PSMC4: variants seen among roughly 807,000 people sequenced by gnomAD.
PSMC4 encodes the protein proteasome 26S subunit, ATPase 4, also known as 26S proteasome regulatory subunit 6B.
A neutral mutation model predicts 48.4 loss-of-function variants in PSMC4; 13 were observed. The ratio of observed to expected loss-of-function variants is 0.27; its 90% CI spans 0.18 to 0.43. The LOEUF (loss-of-function observed/expected upper bound fraction) is 0.43, where lower values mean the gene tolerates loss of function less well. PSMC4 is among the 20% of genes least tolerant of loss of function. The probability of loss-of-function intolerance (pLI) is 1.00; values close to 1 mark genes in which losing one functional copy is unlikely to be tolerated. For synonymous variants in PSMC4, 202 were observed against 212.3 expected (o/e 0.95, Z 0.42); for missense variants, 262 against 555.9 (o/e 0.47, Z 5.32).
At chr19:39,979,215 T>G (rs534911734) in intron 6 of PSMC4, among the ~76,000 whole-genome samples, 8 of 152,304 alleles carry the variant, frequency 5.3e-5, no homozygotes, top group African/African-American at 1.7e-4. Flanking sequence ...CTGGTTTTTT[T>G]CTTTCTTATT....
In PSMC4 at chr19:39,974,057, G is replaced by A. The variant is rs1219913496; in HGVS notation, c.323-237G>A. ...ACAGAAGTGTGCCTCACTAGTATGAGATGCAGGGGGAGGCCTGCTGGACAG... is the reference window on the plus strand; with the variant it reads ...ACAGAAGTGTGCCTCACTAGTATGAAATGCAGGGGGAGGCCTGCTGGACAG... On this transcript the variant is annotated intron_variant, in intron 3 of 10. Coordinates refer to ENST00000157812, the MANE Select transcript of PSMC4 (RefSeq NM_006503.4). The surrounding 1 kb of genome is among the most constrained non-coding windows in gnomAD (Gnocchi z 5.5). Among the ~76,000 whole-genome samples the A allele has an allele frequency of 2.0e-5, 3 of 152,152 alleles. No homozygotes were observed. Among genetic ancestry groups the A allele is most frequent in the Non-Finnish European group, 2.9e-5 (2 of 68,040 alleles).
At chr19:39,977,051 C>T (rs1451320678) in intron 6 of PSMC4, among the ~76,000 whole-genome samples, 1 of 151,754 alleles carries the variant, frequency 6.6e-6, no homozygotes, top group Non-Finnish European at 1.5e-5. Flanking sequence ...TGGGGTTGCA[C>T]CATGTTGGCC....
chr19:39,974,218 G>C lies in PSMC4; in HGVS notation c.323-76G>C. Reference sequence around the variant, plus strand: ...TCTGAACCAGAGATGTTGGGGTGTGGAGATTAGGAGGGAGGAAGGGGGAAG... The same window carrying C: ...TCTGAACCAGAGATGTTGGGGTGTGCAGATTAGGAGGGAGGAAGGGGGAAG... On this transcript the variant is annotated intron_variant, in intron 3 of 10. Transcript: ENST00000157812. This position sits in a 1 kb window ranked among gnomAD's most constrained non-coding sequence, Gnocchi z 5.5. 1 of 1,558,904 alleles carries C rather than the reference G, an allele frequency of 6.4e-7. No homozygotes were observed. The highest frequency in any genetic ancestry group is 8.7e-7 in the Non-Finnish European group (1 of 1,145,036).
chr19:39,972,125 G>A (rs1971109574), intron 1 of PSMC4, 21 bp from the exon 2 acceptor site: 2 of 1,600,510 alleles, frequency 1.2e-6, no homozygotes, highest in African/African-American at 2.7e-5. Flanking sequence ...CTTCCAATGT[G>A]AGTTATCCCC....
chr19:39,974,451 A>G lies in PSMC4; in HGVS notation c.469+11A>G. 1 of 1,613,548 alleles carries G rather than the reference A, an allele frequency of 6.2e-7. No individual in the cohort carries two copies. The highest frequency in any genetic ancestry group is 8.5e-7 in the Non-Finnish European group (1 of 1,179,694). On this transcript the variant is annotated intron_variant, in intron 4 of 10. Coordinates refer to ENST00000157812, the MANE Select transcript of PSMC4 (RefSeq NM_006503.4). This position sits in a 1 kb window ranked among gnomAD's most constrained non-coding sequence, Gnocchi z 5.5. The stretch of plus-strand genomic sequence containing the variant: ...TGATGCTCACCTCAGGTAAAGGGGG[A>G]GCCTGCAGCTGGGAGGGCCCCATGG...
rs1444967382 is a variant in PSMC4 at position 39,972,024 on chromosome 19, G to C, written c.37-122G>C. 7 of 875,710 alleles carry C rather than the reference G, an allele frequency of 8.0e-6. No homozygotes were observed. The East Asian group carries it at 1.5e-4, about 18-fold the overall frequency. The allele number at this position is 875,710 out of a possible 1,614,324, so 54.2% of individuals were successfully genotyped here. A position where few individuals can be genotyped will look rare whatever the true frequency, so the allele number is the denominator to read the frequency against. ...TATTTAGAGGGTCTTAAGATATCAG[G>C]GGTCTGTTAGGGGCTAAGTGACATC... On this transcript the variant is annotated intron_variant, in intron 1 of 10. Coordinates refer to ENST00000157812, the MANE Select transcript of PSMC4 (RefSeq NM_006503.4).
Position 39,980,844 on chromosome 19 carries a change from C to G in PSMC4, c.1143+127C>G. ...TCGTGGGCGCCATCTCTCTCTTCCT[C>G]TACCATCACTAGGGGTGGATAGTAC... On this transcript the variant is annotated intron_variant, in intron 10 of 10. Coordinates refer to ENST00000157812, the MANE Select transcript of PSMC4 (RefSeq NM_006503.4). This position sits in a 1 kb window ranked among gnomAD's most constrained non-coding sequence, Gnocchi z 4.8. 3.3e-6 allele frequency: 3 copies of G among 914,940 alleles called. 1 individual carries two copies. The highest frequency in any genetic ancestry group is 1.4e-5 in the South Asian group (1 of 73,188). 56.7% of individuals were successfully genotyped at this position (914,940 alleles called of 1,614,324 possible).
At chr19:39,972,935 AG>A (rs1375254512) in intron 3 of PSMC4, among the ~76,000 whole-genome samples, 1 of 151,984 alleles carries the variant, frequency 6.6e-6, no homozygotes, top group Non-Finnish European at 1.5e-5. Context: ...TAGTAGAGAC[AG>A]GGTTTCACCA....
chr19:39,978,960 TATG>T (rs1161815936), intron 6 of PSMC4, among the ~76,000 whole-genome samples: 6 of 151,964 alleles, frequency 3.9e-5, no homozygotes, highest in Non-Finnish European at 8.8e-5. Context: ...TGCAGTAAGC[TATG>T]ATGATACCAC....
intron 6 of PSMC4, 184 bp from the exon 7 acceptor site, chr19:39,979,633 A>G (rs778466047): frequency 4.0e-5 from 18 of 452,408 alleles, no homozygotes; most frequent in Non-Finnish European, 5.5e-5. Flanking sequence ...TGTGGGGTAC[A>G]AGTAGATGGC....
chr19:39,971,358 A>G, intron 1 of PSMC4, 120 bp downstream of exon 1: 1 of 1,226,140 alleles, frequency 8.2e-7, no homozygotes, highest in Non-Finnish European at 1.2e-6. Flanking sequence ...GTTATTTTAG[A>G]GGCCTCGGTG....
In PSMC4 at chr19:39,974,252, T is replaced by G. The variant is rs1425497697; in HGVS notation, c.323-42T>G. 5 of 1,608,174 alleles carry G rather than the reference T, an allele frequency of 3.1e-6. No homozygotes were observed. The highest frequency in any genetic ancestry group is 4.3e-6 in the Non-Finnish European group (5 of 1,176,348). ...AGGGAGGAAGGGGGAAGGGGCAGTT[T>G]CCAGGCTGACACTTCTCGTTTTCCT... is the stretch of plus-strand genomic sequence containing the variant. On this transcript the variant is annotated intron_variant, in intron 3 of 10. Coordinates refer to ENST00000157812, the MANE Select transcript of PSMC4 (RefSeq NM_006503.4). This position sits in a 1 kb window ranked among gnomAD's most constrained non-coding sequence, Gnocchi z 5.5.
intron 3 of PSMC4, among the ~76,000 whole-genome samples, chr19:39,973,232 CACA>C (rs1971134060): frequency 6.6e-6 from 1 of 152,096 alleles, no homozygotes; most frequent in African/African-American, 2.4e-5. Context: ...AAATTGATTT[CACA>C]ACTACTACTG....
rs1423989194 is a variant in PSMC4, at chr19:39,974,855, C to G, written c.673+27C>G. On this transcript the variant is annotated intron_variant, in intron 6 of 10. Transcript: ENST00000157812. This position sits in a 1 kb window ranked among gnomAD's most constrained non-coding sequence, Gnocchi z 5.5. ...TGAGCCCTTTCGCCCCTGCCCCGAG[C>G]TCTCATCTTCTGGCCTCTTCGCCTT... 1.3e-6 allele frequency: 2 copies of G among 1,588,346 alleles called. No homozygotes were observed. The highest frequency in any genetic ancestry group is 1.3e-5 in the African/African-American group (1 of 74,426).
At position 39,974,045 on chromosome 19, in the gene PSMC4, T is replaced by C. The variant is rs1030550163; in HGVS notation, c.323-249T>C. On this transcript the variant is annotated intron_variant, in intron 3 of 10. Coordinates refer to ENST00000157812, the MANE Select transcript of PSMC4 (RefSeq NM_006503.4). The surrounding 1 kb of genome is among the most constrained non-coding windows in gnomAD (Gnocchi z 5.5). ...CTGAGCCTGGAAACAGAAGTGTGCC[T>C]CACTAGTATGAGATGCAGGGGGAGG... 6.6e-6 allele frequency among the ~76,000 whole-genome samples: 1 copy of C among 152,090 alleles called. No homozygotes were observed. The highest frequency in any genetic ancestry group is 2.4e-5 in the African/African-American group (1 of 41,386).
chr19:39,980,516 C>T lies in PSMC4; in HGVS notation c.1087+62C>T. 1 of 1,599,448 alleles carries T rather than the reference C, an allele frequency of 6.3e-7. No individual in the cohort carries two copies. The highest frequency in any genetic ancestry group is 8.6e-7 in the Non-Finnish European group (1 of 1,168,208). On this transcript the variant is annotated intron_variant, in intron 9 of 10. Transcript: ENST00000157812. The surrounding 1 kb of genome is among the most constrained non-coding windows in gnomAD (Gnocchi z 4.8). ...GGGAACGGGGATTAGATCTTCAGCT[C>T]AACTTCTGCCAGCACCACAGCCCAG...
Position 39,974,395 on chromosome 19 carries a change from G to C in PSMC4, c.424G>C (p.Val142Leu), listed in dbSNP as rs548954243. 5.0e-6 allele frequency: 8 copies of C among 1,613,960 alleles called. No individual in the cohort carries two copies. Among genetic ancestry groups the C allele is most frequent in the Non-Finnish European group, 5.9e-6 (7 of 1,180,018 alleles). ...CAAGCACAGCAATGCACTGGTGGACGTGCTGCCCCCCGAAGCCGACAGCAG... is the reference window on the plus strand; with the variant it reads ...CAAGCACAGCAATGCACTGGTGGACCTGCTGCCCCCCGAAGCCGACAGCAG... ...LHKHSNALVD[V>L]LPPEADSSIM... is the part of the protein sequence containing the mutation. The change falls in exon 4 of 11, where the codon GTG (valine) becomes CTG (leucine). Residue 142 changes from valine (V) to leucine (L), a missense_variant. By Grantham distance (32) the Val-to-Leu change is conservative. Around this residue, in one of 4 missense-constraint regions of PSMC4, gnomAD observed 131 missense variants for 276.7 expected, o/e 0.47. Coordinates refer to ENST00000157812, the MANE Select transcript of PSMC4 (RefSeq NM_006503.4). The surrounding 1 kb of genome is among the most constrained non-coding windows in gnomAD (Gnocchi z 5.5).
chr19:39,977,820 TC>T (rs1048535230), intron 6 of PSMC4, among the ~76,000 whole-genome samples: 4 of 150,620 alleles, frequency 2.7e-5, no homozygotes, highest in Admixed American at 1.3e-4. Context: ...AGATTCTGTT[TC>T]CAAAAAAAAA....
chr19:39,975,480 T>A (rs548870293), intron 6 of PSMC4, among the ~76,000 whole-genome samples: 1 of 149,340 alleles, frequency 6.7e-6, no homozygotes, highest in Admixed American at 6.6e-5. Context: ...TTTTTTTTTT[T>A]AAAGCCCTAA....
Sources: allele counts gnomAD v4.1 joint callset (sites outside exome capture counted in the v4.1 genomes callset), GRCh38; gene constraint gnomAD v4.1.1; regional missense constraint gnomAD v4.1.1; non-coding constraint Gnocchi (gnomAD v3.1); transcripts MANE v1.5; gene names NCBI Gene and HGNC (gene_info 2026-07-23, HGNC 2026-07-21).